DACT3: variants seen among roughly 807,000 people sequenced by gnomAD.
The protein encoded by DACT3 is dishevelled binding antagonist of beta catenin 3, also known as dapper homolog 3.
Under a neutral mutation model 19.6 loss-of-function variants are expected in DACT3, and 5 were observed. The observed-to-expected ratio is 0.26, with a 90% CI of 0.13 to 0.54. The LOEUF (loss-of-function observed/expected upper bound fraction) is 0.54, where lower values mean the gene tolerates loss of function less well. Among genes scored for constraint, DACT3 ranks in the 20% least tolerant of loss-of-function variants. The pLI is 0.95. For missense variants in DACT3, 908 were observed against 927.4 expected (o/e 0.98, Z 0.27); for synonymous variants, 454 against 428.1 (o/e 1.06, Z -0.75).
chr19:46,659,528 T>C, intron 1 of DACT3: 1 of 917,678 alleles, frequency 1.1e-6, no homozygotes, highest in Non-Finnish European at 1.3e-6. Context: ...GTCTCTAACT[T>C]TGGGAGGGGG....
intron 1 of DACT3, chr19:46,659,315 G>T (rs982832305): frequency 1.0e-6 from 1 of 958,086 alleles, no homozygotes; most frequent in Non-Finnish European, 1.2e-6. Context: ...GGGGACAGAG[G>T]GACCGAGGAG....
In DACT3 at chr19:46,660,265, C is replaced by T. The variant is rs2053065126; in HGVS notation, c.249+551G>A. The T allele has an allele frequency of 6.6e-6, 1 of 152,558 alleles. No individual in the cohort carries two copies. Among genetic ancestry groups the T allele is most frequent in the Admixed American group, 6.5e-5 (1 of 15,272 alleles). The allele number at this position is 152,558 out of a possible 1,614,324, so 9.5% of individuals were successfully genotyped here. On this transcript the variant is annotated intron_variant, in intron 1 of 3. Coordinates refer to ENST00000391916, the MANE Select transcript of DACT3 (RefSeq NM_145056.3). This position sits in a 1 kb window ranked among gnomAD's most constrained non-coding sequence, Gnocchi z 4.9. ...TGTGAGCTTCCTCTCAGCAGTGGTCCCTCCCTCTGGAGGCCCTGAGATTCC... is the reference window on the plus strand; with the variant it reads ...TGTGAGCTTCCTCTCAGCAGTGGTCTCTCCCTCTGGAGGCCCTGAGATTCC...
At position 46,660,968 on chromosome 19, in the gene DACT3, G is replaced by T; in HGVS notation, c.97C>A (p.Leu33Ile). 1 of 1,540,490 alleles carries T rather than the reference G, an allele frequency of 6.5e-7. No individual in the cohort carries two copies. The change falls in exon 1 of 4, where the codon CTC becomes ATC. Residue 33 changes from leucine (L) to isoleucine (I), a missense_variant. Around this residue, in one of 2 missense-constraint regions of DACT3, gnomAD observed 252 missense variants for 325.6 expected, o/e 0.77. Transcript: ENST00000391916. The surrounding 1 kb of genome is among the most constrained non-coding windows in gnomAD (Gnocchi z 4.9). The part of the protein sequence containing the change: ...SLAGLCELHW[L>I]RERQEYRVQQ... Reference sequence around the variant, plus strand: ...ACGCGGTACTCCTGCCTCTCCCGGAGCCAATGTAACTCGCAGAGCCCGGCC... The same window carrying T: ...ACGCGGTACTCCTGCCTCTCCCGGATCCAATGTAACTCGCAGAGCCCGGCC...
Position 46,648,317 on chromosome 19 carries a change from GT to G in DACT3, c.*164del. The G allele has an allele frequency of 8.5e-7, 1 of 1,182,292 alleles. No homozygotes were observed. Among genetic ancestry groups the G allele is most frequent in the East Asian group, 2.4e-5 (1 of 42,084 alleles). The allele number at this position is 1,182,292 out of a possible 1,614,324, so 73.2% of individuals were successfully genotyped here. On this transcript the variant is annotated 3_prime_UTR_variant, in exon 4 of 4. Coordinates refer to ENST00000391916, the MANE Select transcript of DACT3 (RefSeq NM_145056.3). This position sits in a 1 kb window ranked among gnomAD's most constrained non-coding sequence, Gnocchi z 5.1. ...CTCCTCCCCATTCCTCTCGGTGGTG[GT>G]GGGGGAGCCTTTTCAACCAAGACTG...
chr19:46,652,854 G>A (rs1303457933), intron 2 of DACT3, 42 bp from the exon 3 acceptor site: 14 of 1,542,196 alleles, frequency 9.1e-6, no homozygotes, highest in African/African-American at 2.8e-5. Context: ...GGGGGTTTGG[G>A]TGGGAAAACC....
intron 3 of DACT3, 39 bp downstream of exon 3, chr19:46,652,621 C>A: frequency 6.5e-7 from 1 of 1,545,194 alleles, no homozygotes. Flanking sequence ...TCCTACTGTC[C>A]TTTCCCTGGC....
Position 46,649,796 on chromosome 19 carries a change from C to A in DACT3, c.576G>T (p.Pro192=). ...CCGGGCCGGCGGACCCCCCTGCCGT[C>A]GGGTAGGGCGCTGAGAAGGACCGCG... is the stretch of plus-strand genomic sequence containing the variant. ...AVPRSFSAPY[P]TAGGSAGPEA... is the part of the protein sequence containing the mutation. Residue 192 remains proline, a synonymous_variant, in exon 4 of 4, where the codon CCG becomes CCT. Coordinates refer to ENST00000391916, the MANE Select transcript of DACT3 (RefSeq NM_145056.3). 1.5e-6 allele frequency: 2 copies of A among 1,364,600 alleles called. No homozygotes were observed. Among genetic ancestry groups the A allele is most frequent in the South Asian group, 1.6e-5 (1 of 60,862 alleles). 84.5% of individuals were successfully genotyped at this position (1,364,600 alleles called of 1,614,324 possible). A position where few individuals can be genotyped will look rare whatever the true frequency, so the allele number is the denominator to read the frequency against.
chr19:46,661,151 C>A lies in DACT3; in HGVS notation c.-87G>T, dbSNP rs1042507264. 11 of 1,284,794 alleles carry A rather than the reference C, an allele frequency of 8.6e-6. No individual in the cohort carries two copies. The highest frequency in any genetic ancestry group is 4.7e-5 in the African/African-American group (3 of 63,700). 79.6% of individuals were successfully genotyped at this position (1,284,794 alleles called of 1,614,324 possible). On this transcript the variant is annotated 5_prime_UTR_variant, in exon 1 of 4. Transcript: ENST00000391916. ...TCCCCGCCCCAGCAGCCTGCCCGCC[C>A]GCCCGCTGGCCGGGCTGTCACCGTC... is the stretch of plus-strand genomic sequence containing the variant.
intron 1 of DACT3, chr19:46,655,053 C>T (rs759666458): frequency 1.1e-4 from 106 of 985,274 alleles, no homozygotes; most frequent in Non-Finnish European, 1.3e-4. Flanking sequence ...CTCGGACCTA[C>T]CATGTACCCC....
In DACT3 at chr19:46,649,647, G is replaced by A. The variant is rs2052961404; in HGVS notation, c.725C>T (p.Ala242Val). The A allele has an allele frequency of 1.7e-6, 2 of 1,150,300 alleles. No homozygotes were observed. Among genetic ancestry groups the A allele is most frequent in the South Asian group, 3.9e-5 (1 of 25,618 alleles). 71.3% of individuals were successfully genotyped at this position (1,150,300 alleles called of 1,614,324 possible). A position where few individuals can be genotyped will look rare whatever the true frequency, so the allele number is the denominator to read the frequency against. Residue 242 changes from alanine (A) to valine (V), a missense_variant, in exon 4 of 4, where the codon GCG becomes GTG. Physicochemically the swap from Ala to Val is moderately conservative, Grantham distance 64. Transcript: ENST00000391916. ...GTCCAGGGGCCGCCCTGCGCCCCCC[G>A]CGTCGGGCGAGTCGGTGGGAGGGCG... ...CGRPPTDSPD[A>V]GGAGRPLDGY...
In DACT3 at chr19:46,648,548, G is replaced by A; in HGVS notation, c.1824C>T (p.Ser608=). Residue 608 remains serine (S), a synonymous_variant, in exon 4 of 4, where the codon TCC becomes TCT. Coordinates refer to ENST00000391916, the MANE Select transcript of DACT3 (RefSeq NM_145056.3). The surrounding 1 kb of genome is among the most constrained non-coding windows in gnomAD (Gnocchi z 5.1). ...PAKVFVKIKA[S]HALKKKILRF... ...GCAGTATCTTTTTCTTGAGCGCGTG[G>A]GAAGCTTTGATTTTCACGAAGACTT... The A allele has an allele frequency of 6.2e-7, 1 of 1,613,958 alleles. No homozygotes were observed. Among genetic ancestry groups the A allele is most frequent in the Non-Finnish European group, 8.5e-7 (1 of 1,179,860 alleles).
In DACT3 at chr19:46,648,684, G is replaced by A. The variant is rs1175876811; in HGVS notation, c.1688C>T (p.Ala563Val). ...SEGESPAFSSASSDSDGSGGL... is the reference protein window; with the variant it reads ...SEGESPAFSSVSSDSDGSGGL... ...ACCGCTGCCGTCTGAGTCGCTGGAG[G>A]CAGAGCTGAAGGCAGGCGATTCTCC... Residue 563 changes from alanine to valine, a missense_variant, in exon 4 of 4, where the codon GCC becomes GTC. Physicochemically the swap from Ala to Val is moderately conservative, Grantham distance 64. This residue lies in a region of DACT3 where 656 missense variants were observed against 601.8 expected (regional missense o/e 1.09). Coordinates refer to ENST00000391916, the MANE Select transcript of DACT3 (RefSeq NM_145056.3). This position sits in a 1 kb window ranked among gnomAD's most constrained non-coding sequence, Gnocchi z 5.1. 3 of 1,611,340 alleles carry A rather than the reference G, an allele frequency of 1.9e-6. No individual in the cohort carries two copies. The highest frequency in any genetic ancestry group is 1.7e-5 in the Admixed American group (1 of 59,880).
rs1160165118 is a variant in DACT3 at position 46,649,195 on chromosome 19, G to T, written c.1177C>A (p.Pro393Thr). The T allele has an allele frequency of 4.1e-6, 5 of 1,204,932 alleles. No homozygotes were observed. In the East Asian group the frequency reaches 1.5e-4, roughly 35 times the overall value. 74.6% of individuals were successfully genotyped at this position (1,204,932 alleles called of 1,614,324 possible). Residue 393 changes from proline to threonine, a missense_variant, in exon 4 of 4, where the codon CCC becomes ACC. Physicochemically the swap from Pro to Thr is conservative, Grantham distance 38 (BLOSUM62 -1). Transcript: ENST00000391916. ...TRGRSVEQSP[P>T]RERPRAAGRR... The stretch of plus-strand genomic sequence containing the variant: ...CCGGCGGCCCGGGGACGCTCCCGGG[G>T]TGGTGACTGCTCCACGCTGCGGCCG...
In DACT3 at chr19:46,660,991, GC is replaced by G; in HGVS notation, c.73del (p.Ala25ProfsTer76). 1 of 1,538,422 alleles carries G rather than the reference GC, an allele frequency of 6.5e-7. No individual in the cohort carries two copies. Among genetic ancestry groups the G allele is most frequent in the Non-Finnish European group, 8.7e-7 (1 of 1,145,556 alleles). On this transcript the variant is annotated frameshift_variant, in exon 1 of 4. Coordinates refer to ENST00000391916, the MANE Select transcript of DACT3 (RefSeq NM_145056.3). LOFTEE classifies it high-confidence loss of function. The surrounding 1 kb of genome is among the most constrained non-coding windows in gnomAD (Gnocchi z 4.9). Reference sequence around the variant, plus strand: ...GAGCCAATGTAACTCGCAGAGCCCGGCCAGGCTACCCTCCAGCCAGCCCCGC... The same window carrying G: ...GAGCCAATGTAACTCGCAGAGCCCGGCAGGCTACCCTCCAGCCAGCCCCGC... ...RLRGWLEGSLAGLCELHWLRE... is the reference protein window; with the variant it reads ...RLRGWLEGSLXGLCELHWLRE...
intron 1 of DACT3, among the ~76,000 whole-genome samples, chr19:46,654,392 G>A (rs1020137383): frequency 6.6e-6 from 1 of 151,582 alleles, no homozygotes; most frequent in Admixed American, 6.6e-5. Flanking sequence ...AGGCTGAGGC[G>A]GGAGGATTGC....
rs1370345224 is a variant in DACT3 at position 46,649,583 on chromosome 19, CCGG to C, written c.786_788del (p.Arg263del). 4 of 1,092,136 alleles carry C rather than the reference CCGG, an allele frequency of 3.7e-6. No homozygotes were observed. Among genetic ancestry groups the C allele is most frequent in the South Asian group, 5.9e-5 (2 of 33,980 alleles). 67.7% of individuals were successfully genotyped at this position (1,092,136 alleles called of 1,614,324 possible). Reference sequence around the variant, plus strand: ...GACTGGTCCGGGGCTGGCCCGCCCCCCGGCGGCGGCGCCTGCGCAGGAGCGCCG... The same window carrying C: ...GACTGGTCCGGGGCTGGCCCGCCCCCCGGCGGCGCCTGCGCAGGAGCGCCG... On this transcript the variant is annotated inframe_deletion, in exon 4 of 4. Transcript: ENST00000391916.
chr19:46,652,987 C>G lies in DACT3; in HGVS notation c.338G>C (p.Arg113Pro), dbSNP rs771652308. 6.4e-7 allele frequency: 1 copy of G among 1,551,122 alleles called. No individual in the cohort carries two copies. Among genetic ancestry groups the G allele is most frequent in the Non-Finnish European group, 8.7e-7 (1 of 1,147,012 alleles). Reference sequence around the variant, plus strand: ...CCTCCATCCATGCTCACCCGAGCTACGCCCGCTCTCCTGTTCCAGGCCCCC... The same window carrying G: ...CCTCCATCCATGCTCACCCGAGCTAGGCCCGCTCTCCTGTTCCAGGCCCCC... Reference protein sequence around the residue: ...ESGGLEQESGRSSGFYEDPSS... With the variant: ...ESGGLEQESGPSSGFYEDPSS... The change falls in exon 2 of 4, where the codon CGT becomes CCT. Residue 113 changes from arginine to proline, a missense_variant. Transcript: ENST00000391916.
Position 46,649,351 on chromosome 19 carries a change from C to G in DACT3, c.1021G>C (p.Ala341Pro). The change falls in exon 4 of 4, where the codon GCC becomes CCC. Residue 341 changes from alanine to proline, a missense_variant. By Grantham distance (27) the Ala-to-Pro change is conservative. Coordinates refer to ENST00000391916, the MANE Select transcript of DACT3 (RefSeq NM_145056.3). ...EAAPEPAAPP[A>P]APSPPDSPAE... ...GGGCTGTCGGGGGGTGAGGGGGCGGCGGGCGGCGCAGCGGGCTCGGGTGCC... is the reference window on the plus strand; with the variant it reads ...GGGCTGTCGGGGGGTGAGGGGGCGGGGGGCGGCGCAGCGGGCTCGGGTGCC... 8.1e-7 allele frequency: 1 copy of G among 1,241,424 alleles called. No individual in the cohort carries two copies. The highest frequency in any genetic ancestry group is 1.0e-6 in the Non-Finnish European group (1 of 989,682). The allele number at this position is 1,241,424 out of a possible 1,614,324, so 76.9% of individuals were successfully genotyped here.
At chr19:46,650,055 T>G in intron 3 of DACT3, 183 bp from the exon 4 acceptor site, 1 of 627,570 alleles carries the variant, frequency 1.6e-6, no homozygotes, top group South Asian at 6.6e-5. Flanking sequence ...CTTTACAGGG[T>G]CCTACAAGAC....
Sources: gnomAD v4.1 joint callset for allele counts (sites outside exome capture counted in the v4.1 genomes callset) on GRCh38, gnomAD v4.1.1 for gene constraint, gnomAD v4.1.1 regional missense constraint, Gnocchi (gnomAD v3.1) non-coding constraint, MANE v1.5 for transcripts, NCBI Gene and HGNC (gene_info 2026-07-23, HGNC 2026-07-21) for gene names.